Variants in CDH4 observed in about 807,000 individuals in gnomAD.
CDH4 encodes the protein cadherin 4, also known as cadherin-4.
CDH4 carries 33 observed loss-of-function variants against 86.0 expected under a neutral mutation model. That is an observed-to-expected ratio of 0.38 (90% CI 0.29 to 0.51). CDH4 has a LOEUF of 0.51. Among genes scored for constraint, CDH4 ranks in the 20% least tolerant of loss-of-function variants. The pLI, the probability that CDH4 is intolerant of heterozygous loss-of-function variation, is 0.86. For synonymous variants in CDH4, 555 were observed against 549.4 expected (o/e 1.01, Z -0.14); for missense variants, 1,114 against 1,307.4 (o/e 0.85, Z 2.28).
rs377073017 is a variant in CDH4 at position 61,726,131 on chromosome 20, G to T, written c.170-17432G>T. ...GAGCATGGCATGGGGATAGTCTCGG[G>T]GGGGACTGTGGTGAACCCTCTCCAC... On this transcript the variant is annotated intron_variant, in intron 2 of 15. Coordinates refer to ENST00000614565, the MANE Select transcript of CDH4 (RefSeq NM_001794.5). Among the ~76,000 whole-genome samples, 17 of 152,220 alleles carry T rather than the reference G, an allele frequency of 1.1e-4. No homozygotes were observed. In the East Asian group the frequency reaches 2.5e-3, roughly 23 times the overall value.
chr20:61,570,721 C>G, intron 2 of CDH4: 2 of 702,358 alleles, frequency 2.8e-6, no homozygotes, highest in Non-Finnish European at 5.2e-6. Context: ...GGATGCTTCA[C>G]GGAGGCAGGG....
rs566745226 is a variant in CDH4, at chr20:61,786,889, T to C, written c.576+13707T>C. Among the ~76,000 whole-genome samples the C allele has an allele frequency of 1.6e-4, 24 of 152,290 alleles. No individual in the cohort carries two copies. The South Asian group carries it at 4.8e-3, about 30-fold the overall frequency. ...ATTGTCTAGGTGCTAATGCGTGGGC[T>C]CCCAGGGCCACTGTAGAGTGCAGCT... On this transcript the variant is annotated intron_variant, in intron 4 of 15. Coordinates refer to ENST00000614565, the MANE Select transcript of CDH4 (RefSeq NM_001794.5).
At chr20:61,875,991 C>G (rs1984005981) in intron 7 of CDH4, among the ~76,000 whole-genome samples, 1 of 152,252 alleles carries the variant, frequency 6.6e-6, no homozygotes, top group African/African-American at 2.4e-5. Context: ...GCTGGCACCT[C>G]TCTGGGACGT....
At chr20:61,588,288 C>T (rs2086492961) in intron 2 of CDH4, among the ~76,000 whole-genome samples, 1 of 152,196 alleles carries the variant, frequency 6.6e-6, no homozygotes, top group Non-Finnish European at 1.5e-5. Flanking sequence ...AACACCAAAT[C>T]TAAGAACTAG....
chr20:61,858,496 T>G (rs1456197073), intron 6 of CDH4, among the ~76,000 whole-genome samples: 3 of 151,518 alleles, frequency 2.0e-5, no homozygotes, highest in Non-Finnish European at 4.4e-5. Context: ...TGTCTGTATG[T>G]GTGTGTCTGT....
intron 2 of CDH4, among the ~76,000 whole-genome samples, chr20:61,620,599 C>A (rs1308250145): frequency 2.0e-5 from 3 of 152,140 alleles, no homozygotes; most frequent in African/African-American, 7.2e-5. Flanking sequence ...CTTGCTATAG[C>A]AGGAAAAATA....
At chr20:61,870,854 C>T (rs950354674) in intron 6 of CDH4, among the ~76,000 whole-genome samples, 16 of 152,274 alleles carry the variant, frequency 1.1e-4, no homozygotes, top group South Asian at 4.2e-4. Context: ...TTAGTAACAC[C>T]GCCCTGGTCA....
chr20:61,928,637 C>A (rs1288378096), intron 12 of CDH4, among the ~76,000 whole-genome samples: 1 of 152,248 alleles, frequency 6.6e-6, no homozygotes, highest in African/African-American at 2.4e-5. Flanking sequence ...CAATTTCTTG[C>A]TGCTTTAATG....
In CDH4 at chr20:61,501,710, A is replaced by G. The variant is rs1433232251; in HGVS notation, c.170-241853A>G. On this transcript the variant is annotated intron_variant, in intron 2 of 15. Coordinates refer to ENST00000614565, the MANE Select transcript of CDH4 (RefSeq NM_001794.5). This position sits in a 1 kb window ranked among gnomAD's most constrained non-coding sequence, Gnocchi z 4.2. ...AGAAGAGGGTACTGGAATACTAGCT[A>G]TCTTCACAAGCACCACCCCGCCACT... is the stretch of plus-strand genomic sequence containing the variant. 6.6e-6 allele frequency among the ~76,000 whole-genome samples: 1 copy of G among 152,130 alleles called. No homozygotes were observed. Among genetic ancestry groups the G allele is most frequent in the East Asian group, 1.9e-4 (1 of 5,184 alleles).
At chr20:61,682,992 A>G (rs2087534129) in intron 2 of CDH4, among the ~76,000 whole-genome samples, 1 of 152,148 alleles carries the variant, frequency 6.6e-6, no homozygotes, top group Non-Finnish European at 1.5e-5. Flanking sequence ...TCTTTCAGCT[A>G]GTTCTCAAAA....
intron 2 of CDH4, among the ~76,000 whole-genome samples, chr20:61,637,639 A>G (rs2024713): frequency 0.55 from 84,274 of 151,974 alleles, 23,640 homozygotes; most frequent in East Asian, 0.71. Flanking sequence ...TCATGCTCCC[A>G]TTCTCCCTTA....
At chr20:61,739,500 G>T (rs533175659) in intron 2 of CDH4, among the ~76,000 whole-genome samples, 79 of 152,336 alleles carry the variant, frequency 5.2e-4, no homozygotes, top group Non-Finnish European at 9.1e-4. Flanking sequence ...TGTGAGGGGA[G>T]GGGTAGGGCA....
chr20:61,339,459 ATG>A (rs748290513), intron 2 of CDH4, among the ~76,000 whole-genome samples: 2 of 115,582 alleles, frequency 1.7e-5, no homozygotes, highest in Non-Finnish European at 4.0e-5. Context: ...ATGTGCGTGC[ATG>A]TGTGTGTGTG....
chr20:61,710,119 C>T (rs1379866713), intron 2 of CDH4, among the ~76,000 whole-genome samples: 4 of 152,146 alleles, frequency 2.6e-5, no homozygotes, highest in Admixed American at 2.6e-4. Flanking sequence ...CAAAGCCCTG[C>T]CGGGCGGGTC....
At chr20:61,340,648 G>C (rs568165570) in intron 2 of CDH4, among the ~76,000 whole-genome samples, 1 of 151,426 alleles carries the variant, frequency 6.6e-6, no homozygotes, top group East Asian at 1.9e-4. Context: ...CCAGTGGCAT[G>C]ATCACGGCTC....
chr20:61,714,138 C>G (rs1196538595), intron 2 of CDH4, among the ~76,000 whole-genome samples: 3 of 151,806 alleles, frequency 2.0e-5, no homozygotes, highest in Non-Finnish European at 4.4e-5. Context: ...GCTCTGCCTC[C>G]CAGGTTCACG....
chr20:61,895,153 T>C, intron 8 of CDH4, 106 bp downstream of exon 8: 1 of 1,362,212 alleles, frequency 7.3e-7, no homozygotes, highest in Non-Finnish European at 1.0e-6. Flanking sequence ...TGACGGGCAC[T>C]TGGCAGATAG....
At chr20:61,895,601 C>T (rs956688256) in intron 8 of CDH4, among the ~76,000 whole-genome samples, 4 of 152,202 alleles carry the variant, frequency 2.6e-5, no homozygotes, top group African/African-American at 7.2e-5. Context: ...GGTGGGAACA[C>T]GGTGGAGACA....
chr20:61,633,659 G>A (rs2086917728), intron 2 of CDH4, among the ~76,000 whole-genome samples: 1 of 152,246 alleles, frequency 6.6e-6, no homozygotes. Context: ...GCAAGGGTGA[G>A]TTGTACAACC....
Sources: gnomAD v4.1 joint callset for allele counts (sites outside exome capture counted in the v4.1 genomes callset) on GRCh38, gnomAD v4.1.1 for gene constraint, Gnocchi (gnomAD v3.1) non-coding constraint, MANE v1.5 for transcripts, NCBI Gene and HGNC (gene_info 2026-07-23, HGNC 2026-07-21) for gene names.